TBC1D31: variants seen among roughly 807,000 people sequenced by gnomAD.
TBC1D31 encodes the protein TBC1 domain family member 31.
TBC1D31 carries 99 observed loss-of-function variants against 132.9 expected under a neutral mutation model. The ratio of observed to expected loss-of-function variants is 0.74; its 90% CI spans 0.63 to 0.88. TBC1D31 has a LOEUF of 0.88. Ranked by LOEUF, TBC1D31 falls within the 40% of genes least tolerant of loss-of-function variation. The pLI is 0.00. For synonymous variants in TBC1D31, 385 were observed against 419.4 expected (o/e 0.92, Z 1.00); for missense variants, 1,134 against 1,256.6 (o/e 0.90, Z 1.48).
chr8:123,088,987 C>A (rs1479899729), intron 4 of TBC1D31, among the ~76,000 whole-genome samples: 1 of 152,076 alleles, frequency 6.6e-6, no homozygotes, highest in Non-Finnish European at 1.5e-5. Context: ...ACATTTTTGA[C>A]AAGTTATTTA....
At chr8:123,134,603 A>G (rs1820913633) in intron 17 of TBC1D31, among the ~76,000 whole-genome samples, 1 of 152,186 alleles carries the variant, frequency 6.6e-6, no homozygotes, top group South Asian at 2.1e-4. Context: ...ATGGTTTTCT[A>G]GCGTTCATTT....
At chr8:123,163,663 G>A in the TBC1D31 span, among the ~76,000 whole-genome samples, 1 of 152,102 alleles carries the variant, frequency 6.6e-6, no homozygotes, top group Non-Finnish European at 1.5e-5. Context: ...ACTGCACCCA[G>A]CCCATTTTAA....
At chr8:123,101,164 G>A (rs1008870691) in intron 7 of TBC1D31, 157 bp downstream of exon 7, 2 of 576,796 alleles carry the variant, frequency 3.5e-6, no homozygotes, top group Admixed American at 6.0e-5. Flanking sequence ...CCACATCTCT[G>A]GCCTTGATTT....
At chr8:123,102,347 G>GCATTTGC in intron 7 of TBC1D31, 2 of 404,152 alleles carry the variant, frequency 4.9e-6, no homozygotes, top group South Asian at 1.7e-5. Flanking sequence ...ATTTGGAGTG[G>GCATTTGC]CGTTTGCCAC....
the TBC1D31 span, among the ~76,000 whole-genome samples, chr8:123,161,549 T>C: frequency 6.6e-6 from 1 of 152,200 alleles, no homozygotes; most frequent in Non-Finnish European, 1.5e-5. Context: ...TCCAAATCCT[T>C]TTCCTCACTT....
intron 19 of TBC1D31, among the ~76,000 whole-genome samples, chr8:123,144,072 T>A (rs1586736428): frequency 6.6e-6 from 1 of 152,194 alleles, no homozygotes; most frequent in Non-Finnish European, 1.5e-5. Context: ...TGTGATTTTT[T>A]AAAAAAGTTT....
chr8:123,127,017 G>A (rs1180650444), intron 13 of TBC1D31, among the ~76,000 whole-genome samples: 2 of 152,096 alleles, frequency 1.3e-5, no homozygotes, highest in Non-Finnish European at 2.9e-5. Context: ...GGGATTATAG[G>A]CGTGAGCCAC....
intron 20 of TBC1D31, among the ~76,000 whole-genome samples, chr8:123,146,108 G>T (rs915525737): frequency 6.6e-6 from 1 of 152,118 alleles, no homozygotes; most frequent in Non-Finnish European, 1.5e-5. Context: ...CACCTCAGGT[G>T]ATCCACCCGC....
Position 123,101,021 on chromosome 8 carries a change from A to G in TBC1D31, c.1032+14A>G, listed in dbSNP as rs773068337. 1 of 1,556,896 alleles carries G rather than the reference A, an allele frequency of 6.4e-7. No individual in the cohort carries two copies. Among genetic ancestry groups the G allele is most frequent in the South Asian group, 1.1e-5 (1 of 89,728 alleles). ...GAAATAAATAAGGTATGTATGATGA[A>G]GTAATCAACATCAGCTTTTTATAAA... On this transcript the variant is annotated intron_variant, in intron 7 of 21. Transcript: ENST00000287380.
At chr8:123,147,005 AC>A (rs1319383509) in intron 20 of TBC1D31, among the ~76,000 whole-genome samples, 1 of 152,088 alleles carries the variant, frequency 6.6e-6, no homozygotes, top group East Asian at 1.9e-4. Flanking sequence ...TACCGCTCAT[AC>A]TTGAGATTTA....
rs547520725 is a variant in TBC1D31 at position 123,146,805 on chromosome 8, T to C, written c.2974+1950T>C. Among the ~76,000 whole-genome samples, 4 of 151,498 alleles carry C rather than the reference T, an allele frequency of 2.6e-5. No homozygotes were observed. The South Asian group carries it at 8.4e-4, about 32-fold the overall frequency. On this transcript the variant is annotated intron_variant, in intron 20 of 21. Transcript: ENST00000287380. Reference sequence around the variant, plus strand: ...ATTCAAGAAATTCTCCTGCCTCAGCTTCCTGAGTCGCTGGGACTACAGGCG... The same window carrying C: ...ATTCAAGAAATTCTCCTGCCTCAGCCTCCTGAGTCGCTGGGACTACAGGCG...
chr8:123,081,609 C>A (rs1815156861), intron 2 of TBC1D31, among the ~76,000 whole-genome samples: 1 of 152,184 alleles, frequency 6.6e-6, no homozygotes, highest in South Asian at 2.1e-4. Flanking sequence ...AGTCTGTTCT[C>A]ATGCTAATAA....
At chr8:123,073,645 A>G (rs1814165223) in intron 1 of TBC1D31, among the ~76,000 whole-genome samples, 2 of 152,140 alleles carry the variant, frequency 1.3e-5, no homozygotes, top group Admixed American at 1.3e-4. Flanking sequence ...TTTCACGGAA[A>G]TTGCTTGAGT....
At chr8:123,143,738 TG>T (rs1821920118) in intron 19 of TBC1D31, among the ~76,000 whole-genome samples, 1 of 151,934 alleles carries the variant, frequency 6.6e-6, no homozygotes, top group Non-Finnish European at 1.5e-5. Flanking sequence ...TTGGAGAGGG[TG>T]GGGGTAATAT....
chr8:123,148,089 T>C (rs1822405691), intron 20 of TBC1D31, among the ~76,000 whole-genome samples: 1 of 149,282 alleles, frequency 6.7e-6, no homozygotes, highest in Non-Finnish European at 1.5e-5. Flanking sequence ...ATCGCACCAC[T>C]GCACTCCAGC....
intron 10 of TBC1D31, among the ~76,000 whole-genome samples, chr8:123,111,865 G>GT (rs1818473364): frequency 6.6e-6 from 1 of 151,896 alleles, no homozygotes; most frequent in East Asian, 1.9e-4. Flanking sequence ...TTTTGTTTTT[G>GT]TTTTTTGAGA....
At chr8:123,152,918 G>C (rs1360356580), downstream of TBC1D31, among the ~76,000 whole-genome samples, 2 of 152,158 alleles carry the variant, frequency 1.3e-5, no homozygotes, top group African/African-American at 4.8e-5. Flanking sequence ...CCCAGTGCTT[G>C]ACACATAGTA....
At chr8:123,121,557 G>A (rs1353844786) in intron 11 of TBC1D31, among the ~76,000 whole-genome samples, 2 of 152,040 alleles carry the variant, frequency 1.3e-5, no homozygotes, top group African/African-American at 2.4e-5. Flanking sequence ...TAGTTCACAC[G>A]AGATCTAGTT....
chr8:123,111,345 T>C lies in TBC1D31; in HGVS notation c.1436+1725T>C, dbSNP rs146159253. 5.1e-3 allele frequency among the ~76,000 whole-genome samples: 782 copies of C among 152,322 alleles called. 7 individuals carry two copies. Among genetic ancestry groups the C allele is most frequent in the African/African-American group, 0.018 (740 of 41,562 alleles). ...AGAAAAAGTTCTTAGGATCAACTAC[T>C]TGGTTACCGGAAGATACAACCCATG... On this transcript the variant is annotated intron_variant, in intron 10 of 21. Coordinates refer to ENST00000287380, the MANE Select transcript of TBC1D31 (RefSeq NM_145647.4).
Sources: allele counts gnomAD v4.1 joint callset (sites outside exome capture counted in the v4.1 genomes callset), GRCh38; gene constraint gnomAD v4.1.1; transcripts MANE v1.5; gene names NCBI Gene and HGNC (gene_info 2026-07-23, HGNC 2026-07-21).